The following EMID1 variants were observed in gnomAD, a reference collection of about 807,000 sequenced individuals.
The protein encoded by EMID1 is EMI domain-containing protein 1.
Under a neutral mutation model 60.6 loss-of-function variants are expected in EMID1, and 40 were observed. The observed-to-expected ratio is 0.66, with a 90% CI of 0.51 to 0.86. The LOEUF is 0.86. EMID1 is among the 40% of genes least tolerant of loss of function. The pLI is 0.00. For synonymous variants in EMID1, 242 were observed against 231.0 expected (o/e 1.05, Z -0.43); for missense variants, 585 against 597.1 (o/e 0.98, Z 0.21).
At chr22:29,216,475 CCA>C in intron 3 of EMID1, 1 of 985,414 alleles carries the variant, frequency 1.0e-6, no homozygotes, top group Non-Finnish European at 1.2e-6. Context: ...AGAACCAGGC[CCA>C]GAGACAGCTC....
chr22:29,224,336 A>T (rs9608740), intron 3 of EMID1, among the ~76,000 whole-genome samples: 2 of 152,116 alleles, frequency 1.3e-5, no homozygotes, highest in Admixed American at 6.5e-5. Context: ...TGAGGGGGGC[A>T]GTTGCCAGTG....
chr22:29,238,622 T>C (rs1440973971), intron 12 of EMID1, among the ~76,000 whole-genome samples: 1 of 144,068 alleles, frequency 6.9e-6, no homozygotes, highest in African/African-American at 2.7e-5. Context: ...TTTCACCATG[T>C]TGGCCAGGCT....
chr22:29,255,240 G>A (rs755792689), intron 14 of EMID1: 102 of 1,088,462 alleles, frequency 9.4e-5, no homozygotes, highest in Non-Finnish European at 1.1e-4. Context: ...GGCCAGACTC[G>A]CACCGTCTGC....
At position 29,214,949 on chromosome 22, in the gene EMID1, C is replaced by A; in HGVS notation, c.125C>A (p.Thr42Asn). ...GRRNWCSYVV[T>N]RTISCHVQNG... is the part of the protein sequence containing the mutation. ...AGGAACTGGTGCTCCTATGTGGTGA[C>A]CCGCACCATCTCATGCCATGTGCAG... Residue 42 changes from threonine to asparagine, a missense_variant, in exon 2 of 15, where the codon ACC (threonine) becomes AAC (asparagine). Physicochemically the swap from Thr to Asn is moderately conservative, Grantham distance 65. Transcript: ENST00000334018. The A allele has an allele frequency of 6.5e-7, 1 of 1,545,822 alleles. No individual in the cohort carries two copies.
intron 5 of EMID1, among the ~76,000 whole-genome samples, chr22:29,230,507 A>G (rs988728169): frequency 2.0e-5 from 3 of 152,250 alleles, no homozygotes; most frequent in African/African-American, 7.2e-5. Context: ...TGATGGTGTC[A>G]GTGACTTTTC....
intron 13 of EMID1, among the ~76,000 whole-genome samples, chr22:29,253,574 C>T (rs1345138303): frequency 6.6e-6 from 1 of 152,088 alleles, no homozygotes; most frequent in African/African-American, 2.4e-5. Flanking sequence ...AAGAGCAAAA[C>T]TTCGTCTCAA....
chr22:29,213,614 C>G (rs2039975152), intron 1 of EMID1, among the ~76,000 whole-genome samples: 1 of 152,050 alleles, frequency 6.6e-6, no homozygotes, highest in African/African-American at 2.4e-5. Flanking sequence ...ATGGGAGTCT[C>G]TGTGAAGGCC....
chr22:29,231,560 G>T (rs2040748067), intron 6 of EMID1, 33 bp from the exon 7 acceptor site: 8 of 1,546,782 alleles, frequency 5.2e-6, no homozygotes, highest in South Asian at 1.2e-5. Flanking sequence ...GAGCAGATGT[G>T]GAGCTGCCAG....
At chr22:29,238,089 T>C (rs1467222867) in intron 12 of EMID1, among the ~76,000 whole-genome samples, 1 of 143,024 alleles carries the variant, frequency 7.0e-6, no homozygotes, top group African/African-American at 2.8e-5. Flanking sequence ...TTGATGTGTT[T>C]TTTTCCTCTC....
intron 1 of EMID1, among the ~76,000 whole-genome samples, chr22:29,213,995 G>A (rs1401337309): frequency 2.6e-5 from 4 of 152,238 alleles, no homozygotes; most frequent in Admixed American, 2.0e-4. Flanking sequence ...GTAAAAACAG[G>A]GTGGGGGTAC....
Position 29,259,076 on chromosome 22 carries a change from G to A in EMID1, c.*132G>A. On this transcript the variant is annotated 3_prime_UTR_variant, in exon 15 of 15. Coordinates refer to ENST00000334018, the MANE Select transcript of EMID1 (RefSeq NM_133455.4). ...GTCCCTTCTGCCATCTAGGCCTTAG[G>A]GGTAAGCAGGTCTCAGTCCTGGCAC... The A allele has an allele frequency of 7.3e-7, 1 of 1,376,768 alleles. No homozygotes were observed. The highest frequency in any genetic ancestry group is 9.8e-7 in the Non-Finnish European group (1 of 1,023,742). The allele number at this position is 1,376,768 out of a possible 1,614,324, so 85.3% of individuals were successfully genotyped here. A position where few individuals can be genotyped will look rare whatever the true frequency, so the allele number is the denominator to read the frequency against.
chr22:29,220,898 G>GC (rs1247069298), intron 3 of EMID1, among the ~76,000 whole-genome samples: 1 of 152,118 alleles, frequency 6.6e-6, no homozygotes, highest in African/African-American at 2.4e-5. Flanking sequence ...GAAACTACAG[G>GC]CAACACTGGC....
intron 12 of EMID1, among the ~76,000 whole-genome samples, chr22:29,240,810 T>C (rs1175404969): frequency 6.6e-6 from 1 of 152,218 alleles, no homozygotes; most frequent in East Asian, 1.9e-4. Flanking sequence ...ATACTTGTGT[T>C]GGCCCCCTGG....
At chr22:29,241,313 A>G (rs1053203847) in intron 12 of EMID1, among the ~76,000 whole-genome samples, 2 of 152,086 alleles carry the variant, frequency 1.3e-5, no homozygotes, top group Non-Finnish European at 2.9e-5. Flanking sequence ...CACTTCTCCA[A>G]CAGATCTAAG....
intron 1 of EMID1, among the ~76,000 whole-genome samples, 185 bp downstream of exon 1, chr22:29,206,324 G>T (rs748091863): frequency 2.0e-5 from 3 of 152,174 alleles, no homozygotes; most frequent in Non-Finnish European, 4.4e-5. Context: ...TCCATGTGTC[G>T]GAGCTGGCTG....
intron 3 of EMID1, among the ~76,000 whole-genome samples, chr22:29,221,076 TG>T: frequency 2.2e-5 from 1 of 46,396 alleles, no homozygotes; most frequent in African/African-American, 1.2e-4. Flanking sequence ...CGTGTGTGTG[TG>T]TGTGTGTGTG....
intron 3 of EMID1, among the ~76,000 whole-genome samples, chr22:29,218,414 A>C (rs2040165734): frequency 6.6e-6 from 1 of 152,244 alleles, no homozygotes. Context: ...AGAAGGGGCT[A>C]GAATGGGCTG....
In EMID1 at chr22:29,225,176, T is replaced by C. The variant is rs1290810330; in HGVS notation, c.363T>C (p.Ser121=). Residue 121 remains serine, a synonymous_variant, in exon 4 of 15, where the codon AGT becomes AGC. Coordinates refer to ENST00000334018, the MANE Select transcript of EMID1 (RefSeq NM_133455.4). The part of the protein sequence containing the change: ...SASLEPMWSG[S]TMRRMALRPT... ...CCTTGGAGCCCATGTGGTCGGGCAG[T>C]ACCATGCGGCGGATGGCGCTTCGGC... 3.1e-6 allele frequency: 5 copies of C among 1,613,896 alleles called. No individual in the cohort carries two copies. In the African/African-American group the frequency reaches 5.3e-5, roughly 17 times the overall value.
intron 5 of EMID1, 68 bp from the exon 6 acceptor site, chr22:29,230,952 C>T (rs1415431005): frequency 6.5e-7 from 1 of 1,548,344 alleles, no homozygotes; most frequent in Admixed American, 2.0e-5. Context: ...AAAACTCCAT[C>T]TCAAAAAAAA....
Sources: gnomAD v4.1 joint callset for allele counts (sites outside exome capture counted in the v4.1 genomes callset) on GRCh38, gnomAD v4.1.1 for gene constraint, MANE v1.5 for transcripts, NCBI Gene and HGNC (gene_info 2026-07-23, HGNC 2026-07-21) for gene names.